SLC15A4: variants seen among roughly 807,000 people sequenced by gnomAD.
SLC15A4 encodes the protein hPHT1.
In SLC15A4, 26 loss-of-function variants were observed where a neutral mutation model predicts 46.1. The ratio of observed to expected loss-of-function variants is 0.56; its 90% CI spans 0.41 to 0.78. The LOEUF is 0.78. Among genes scored for constraint, SLC15A4 ranks in the 30% least tolerant of loss-of-function variants. SLC15A4 has a pLI of 0.00. For missense variants in SLC15A4, 751 were observed against 755.7 expected (o/e 0.99, Z 0.07); for synonymous variants, 370 against 333.4 (o/e 1.11, Z -1.20).
Position 128,799,598 on chromosome 12 carries a change from A to G in SLC15A4, c.1415-181T>C, listed in dbSNP as rs550094886. 2.2e-3 allele frequency among the ~76,000 whole-genome samples: 341 copies of G among 152,322 alleles called. 1 individual carries two copies. Among genetic ancestry groups the G allele is most frequent in the Admixed American group, 4.5e-3 (69 of 15,294 alleles). ...TACTAGCGACCAAGAATCAATGGCTATGGGCCAACTGTTCATTCTCCTAGC... is the reference window on the plus strand; with the variant it reads ...TACTAGCGACCAAGAATCAATGGCTGTGGGCCAACTGTTCATTCTCCTAGC... On this transcript the variant is annotated intron_variant, in intron 6 of 7. Transcript: ENST00000266771.
At chr12:128,799,568 A>G (rs1955490643) in intron 6 of SLC15A4, 151 bp from the exon 7 acceptor site, 1 of 757,948 alleles carries the variant, frequency 1.3e-6, no homozygotes, top group Non-Finnish European at 2.1e-6. Flanking sequence ...TAGGAGGACG[A>G]TGCTTACTAG....
rs534292657 is a variant in SLC15A4 at position 128,818,879 on chromosome 12, T to C, written c.547-3809A>G. On this transcript the variant is annotated intron_variant, in intron 1 of 7. Coordinates refer to ENST00000266771, the MANE Select transcript of SLC15A4 (RefSeq NM_145648.4). ...AATCACACAACTGGGGCCTTATGTG[T>C]CTGGCTTCCTTCATGCAGCCGAATG... 1.4e-4 allele frequency among the ~76,000 whole-genome samples: 21 copies of C among 152,350 alleles called. 2 individuals carry two copies. The East Asian group carries it at 3.9e-3, about 28-fold the overall frequency.
At chr12:128,820,323 G>A (rs7136850) in intron 1 of SLC15A4, among the ~76,000 whole-genome samples, 2,932 of 152,324 alleles carry the variant, frequency 0.019, 104 homozygotes, top group African/African-American at 0.066. Flanking sequence ...CAGTAAGAAA[G>A]TGATCTGTTT....
At chr12:128,814,312 C>T (rs1037911054) in intron 2 of SLC15A4, 1 of 56,110 alleles carries the variant, frequency 1.8e-5, no homozygotes, top group Non-Finnish European at 4.3e-5. Flanking sequence ...GGAGCCCATG[C>T]TGACCTTTAG....
intron 2 of SLC15A4, among the ~76,000 whole-genome samples, chr12:128,811,954 C>T (rs549685129): frequency 1.3e-5 from 2 of 152,322 alleles, no homozygotes; most frequent in South Asian, 4.1e-4. Flanking sequence ...CACCCGAACA[C>T]CCACAAGAGC....
intron 2 of SLC15A4, among the ~76,000 whole-genome samples, chr12:128,810,716 AGAG>A (rs1955646109): frequency 6.6e-6 from 1 of 152,090 alleles, no homozygotes. Flanking sequence ...GGTGGTGATG[AGAG>A]GAGGATGTCC....
At chr12:128,796,188 G>A (rs984647738) in intron 7 of SLC15A4, among the ~76,000 whole-genome samples, 2 of 152,054 alleles carry the variant, frequency 1.3e-5, no homozygotes, top group African/African-American at 4.8e-5. Flanking sequence ...ACTTTGGGAG[G>A]CCAAGGTGGG....
Position 128,808,974 on chromosome 12 carries a change from A to G in SLC15A4, c.1090-18T>C, listed in dbSNP as rs200323625. On this transcript the variant is annotated intron_variant, in intron 4 of 7. Coordinates refer to ENST00000266771, the MANE Select transcript of SLC15A4 (RefSeq NM_145648.4). ...GCAGGGAGCTGGGGTGAAACACAGG[A>G]GGAGGCGTTTACTCCCCGCAATACA... The G allele has an allele frequency of 1.2e-6, 2 of 1,606,930 alleles. No individual in the cohort carries two copies. Among genetic ancestry groups the G allele is most frequent in the Non-Finnish European group, 1.7e-6 (2 of 1,175,906 alleles).
chr12:128,795,224 A>G (rs1185563518), intron 7 of SLC15A4, among the ~76,000 whole-genome samples: 1 of 152,216 alleles, frequency 6.6e-6, no homozygotes, highest in Non-Finnish European at 1.5e-5. Context: ...TGGGCAATGT[A>G]TCAAAGGAAG....
Position 128,799,440 on chromosome 12 carries a change from C to A in SLC15A4, c.1415-23G>T. Reference sequence around the variant, plus strand: ...GGCCTGAGGAAAGAAAAGGGAGGGTCGTTTTTGTGAAAGGGGCACTTTAAC... The same window carrying A: ...GGCCTGAGGAAAGAAAAGGGAGGGTAGTTTTTGTGAAAGGGGCACTTTAAC... On this transcript the variant is annotated intron_variant, in intron 6 of 7. Transcript: ENST00000266771. The A allele has an allele frequency of 2.5e-6, 4 of 1,612,824 alleles. No homozygotes were observed. In the South Asian group the frequency reaches 3.3e-5, roughly 13 times the overall value.
chr12:128,811,388 T>C (rs180837674), intron 2 of SLC15A4, among the ~76,000 whole-genome samples: 762 of 152,228 alleles, frequency 5.0e-3, no homozygotes, highest in Non-Finnish European at 7.7e-3. Flanking sequence ...TGGGGAAAAA[T>C]AGAAGCGCTG....
In SLC15A4 at chr12:128,823,921, G is replaced by A. The variant is rs945186305; in HGVS notation, c.23C>T (p.Ala8Val). Residue 8 changes from alanine to valine, a missense_variant, in exon 1 of 8, where the codon GCG becomes GTG. Ala to Val is a moderately conservative substitution (Grantham distance 64, BLOSUM62 0). Transcript: ENST00000266771. ...GCCCAGCAGCGGCGCCCGCTCGCCC[G>A]CACCGCCCCCAGAGCCCTCCATGCG... MEGSGGG[A>V]GERAPLLGAR... 2.5e-5 allele frequency: 18 copies of A among 733,132 alleles called. No individual in the cohort carries two copies. The highest frequency in any genetic ancestry group is 2.8e-5 in the Non-Finnish European group (17 of 602,080). 45.4% of individuals were successfully genotyped at this position (733,132 alleles called of 1,614,324 possible).
intron 5 of SLC15A4, among the ~76,000 whole-genome samples, chr12:128,808,423 A>G (rs1240123875): frequency 3.9e-5 from 6 of 152,222 alleles, no homozygotes; most frequent in African/African-American, 1.4e-4. Context: ...AGTAATCTGA[A>G]GGTGGAATTC....
At chr12:128,823,097 C>T (rs979613962) in intron 1 of SLC15A4, among the ~76,000 whole-genome samples, 29 of 152,208 alleles carry the variant, frequency 1.9e-4, no homozygotes, top group African/African-American at 7.0e-4. Context: ...CTCGGCCTCC[C>T]AAAGTGCTGG....
intron 4 of SLC15A4, 22 bp downstream of exon 4, chr12:128,809,374 A>G: frequency 6.7e-7 from 1 of 1,490,212 alleles, no homozygotes; most frequent in Non-Finnish European, 9.3e-7. Flanking sequence ...AACAATGTTC[A>G]GATCATTACA....
At chr12:128,823,340 G>C (rs1955877105) in intron 1 of SLC15A4, 58 bp downstream of exon 1, 2 of 1,333,432 alleles carry the variant, frequency 1.5e-6, no homozygotes, top group Non-Finnish European at 1.9e-6. Context: ...AGGGGAAGAG[G>C]CTGGGGCTGG....
chr12:128,812,306 C>A (rs1294082722), intron 2 of SLC15A4, among the ~76,000 whole-genome samples: 2 of 150,714 alleles, frequency 1.3e-5, no homozygotes, highest in African/African-American at 4.9e-5. Flanking sequence ...TTTGGAGGCC[C>A]AACTTTTTTT....
chr12:128,805,828 C>T (rs956105539), intron 5 of SLC15A4, among the ~76,000 whole-genome samples: 7 of 152,054 alleles, frequency 4.6e-5, no homozygotes, highest in Admixed American at 3.3e-4. Flanking sequence ...AATCCATAAG[C>T]TAAGAGATAA....
chr12:128,814,730 G>T, intron 2 of SLC15A4, 45 bp downstream of exon 2: 1 of 1,588,216 alleles, frequency 6.3e-7, no homozygotes, highest in South Asian at 1.1e-5. Context: ...TAAAGAGATC[G>T]ATAAAGTCCT....
Sources: allele counts gnomAD v4.1 joint callset (sites outside exome capture counted in the v4.1 genomes callset), GRCh38; gene constraint gnomAD v4.1.1; transcripts MANE v1.5; gene names NCBI Gene and HGNC (gene_info 2026-07-23, HGNC 2026-07-21).